The following TAX1BP1 variants were observed in gnomAD, a reference collection of about 807,000 sequenced individuals.
The protein encoded by TAX1BP1 is Tax1 binding protein 1.
Under a neutral mutation model 97.7 loss-of-function variants are expected in TAX1BP1, and 62 were observed. The ratio of observed to expected loss-of-function variants is 0.63; its 90% CI spans 0.52 to 0.78. The LOEUF (loss-of-function observed/expected upper bound fraction) is 0.78. Ranked by LOEUF, TAX1BP1 falls within the 30% of genes least tolerant of loss-of-function variation. The pLI is 0.00. For synonymous variants in TAX1BP1, 340 were observed against 304.2 expected (o/e 1.12, Z -1.23); for missense variants, 867 against 916.1 (o/e 0.95, Z 0.69).
At chr7:27,824,549 C>CAAAAA (rs34757943) in intron 15 of TAX1BP1, among the ~76,000 whole-genome samples, 5 of 91,588 alleles carry the variant, frequency 5.5e-5, no homozygotes, top group Admixed American at 1.4e-4. Flanking sequence ...GACCTTGTCT[C>CAAAAA]AAAAAAAAAA....
At chr7:27,807,318 T>C (rs1375649035) in intron 13 of TAX1BP1, among the ~76,000 whole-genome samples, 1 of 152,146 alleles carries the variant, frequency 6.6e-6, no homozygotes, top group Non-Finnish European at 1.5e-5. Context: ...ATATTGAAAT[T>C]GTATCCTTAG....
In TAX1BP1 at chr7:27,785,291, A is replaced by C; in HGVS notation, c.741A>C (p.Glu247Asp). The change falls in exon 6 of 17, where the codon GAA becomes GAC. Residue 247 changes from glutamate (E) to aspartate (D), a missense_variant. Glu to Asp is a conservative substitution (Grantham distance 45). This residue lies in a region of TAX1BP1 where 822 missense variants were observed against 851.4 expected (regional missense o/e 0.97). Coordinates refer to ENST00000396319, the MANE Select transcript of TAX1BP1 (RefSeq NM_006024.7). ...DIVSVTHKAI[E>D]KETELDSLKD... Reference sequence around the variant, plus strand: ...TGTCAGTAACACATAAAGCAATTGAAAAAGAAACCGAATTAGACAGGTATT... The same window carrying C: ...TGTCAGTAACACATAAAGCAATTGACAAAGAAACCGAATTAGACAGGTATT... 1 of 1,609,640 alleles carries C rather than the reference A, an allele frequency of 6.2e-7. No individual in the cohort carries two copies. The highest frequency in any genetic ancestry group is 8.5e-7 in the Non-Finnish European group (1 of 1,178,582).
At chr7:27,763,780 A>AG (rs1034236731) in intron 3 of TAX1BP1, among the ~76,000 whole-genome samples, 1 of 152,090 alleles carries the variant, frequency 6.6e-6, no homozygotes, top group African/African-American at 2.4e-5. Flanking sequence ...AAAAAAAAAA[A>AG]GAATCAGACC....
chr7:27,750,043 A>C (rs895679737), intron 2 of TAX1BP1, among the ~76,000 whole-genome samples: 6 of 152,288 alleles, frequency 3.9e-5, no homozygotes, highest in African/African-American at 1.4e-4. Context: ...CTCCTGTCCC[A>C]GCCTCCCAAA....
At position 27,763,539 on chromosome 7, in the gene TAX1BP1, G is replaced by T. The variant is rs980001473; in HGVS notation, c.266-2295G>T. On this transcript the variant is annotated intron_variant, in intron 3 of 16. Transcript: ENST00000396319. Reference sequence around the variant, plus strand: ...CCCAGCACTTTGGGAGGCCGGGGCGGGTGGATTACCTGAGGATAGGAATTC... The same window carrying T: ...CCCAGCACTTTGGGAGGCCGGGGCGTGTGGATTACCTGAGGATAGGAATTC... Among the ~76,000 whole-genome samples, 12 of 152,120 alleles carry T rather than the reference G, an allele frequency of 7.9e-5. 1 individual carries two copies. The highest frequency in any genetic ancestry group is 4.1e-4 in the South Asian group (2 of 4,826).
At chr7:27,797,656 TGA>T (rs1398316809) in intron 12 of TAX1BP1, among the ~76,000 whole-genome samples, 1 of 152,080 alleles carries the variant, frequency 6.6e-6, no homozygotes, top group Non-Finnish European at 1.5e-5. Flanking sequence ...TTTTTTTGCT[TGA>T]GAGAATCCTG....
At position 27,823,440 on chromosome 7, in the gene TAX1BP1, A is replaced by G. The variant is rs191249101; in HGVS notation, c.2086-4298A>G. On this transcript the variant is annotated intron_variant, in intron 15 of 16. Coordinates refer to ENST00000396319, the MANE Select transcript of TAX1BP1 (RefSeq NM_006024.7). ...CTTTTCTTCCTCAATATTAATTACT[A>G]ATTCCTGAATGATAACTAAATATTT... Among the ~76,000 whole-genome samples the G allele has an allele frequency of 2.6e-5, 4 of 152,322 alleles. No individual in the cohort carries two copies. The East Asian group carries it at 7.7e-4, about 29-fold the overall frequency.
chr7:27,769,557 G>T, intron 4 of TAX1BP1, 119 bp from the exon 5 acceptor site: 2 of 777,912 alleles, frequency 2.6e-6, no homozygotes, highest in South Asian at 1.9e-5. Flanking sequence ...TAGGTAGAAT[G>T]TAAGAGTTCT....
In TAX1BP1 at chr7:27,828,898, C is replaced by T; in HGVS notation, c.*69C>T. 1 of 1,280,448 alleles carries T rather than the reference C, an allele frequency of 7.8e-7. No homozygotes were observed. 79.3% of individuals were successfully genotyped at this position (1,280,448 alleles called of 1,614,324 possible). On this transcript the variant is annotated 3_prime_UTR_variant, in exon 17 of 17. Transcript: ENST00000396319. Reference sequence around the variant, plus strand: ...AAAAAAAAACCACACCTAAAATAGACCACTGAGGAGACCATAGAGCGGATG... The same window carrying T: ...AAAAAAAAACCACACCTAAAATAGATCACTGAGGAGACCATAGAGCGGATG...
chr7:27,783,866 A>G (rs1057053928), intron 5 of TAX1BP1, among the ~76,000 whole-genome samples: 1 of 152,204 alleles, frequency 6.6e-6, no homozygotes, highest in Non-Finnish European at 1.5e-5. Flanking sequence ...AGCAATCATT[A>G]TGATTGCAGA....
At chr7:27,789,857 A>G (rs1274545922) in intron 8 of TAX1BP1, among the ~76,000 whole-genome samples, 1 of 151,958 alleles carries the variant, frequency 6.6e-6, no homozygotes, top group Non-Finnish European at 1.5e-5. Context: ...CAAACATGAG[A>G]AGTGTATTTG....
At chr7:27,820,695 C>G (rs1471990210) in intron 15 of TAX1BP1, among the ~76,000 whole-genome samples, 2 of 152,064 alleles carry the variant, frequency 1.3e-5, no homozygotes, top group Non-Finnish European at 2.9e-5. Flanking sequence ...TGATTCATAG[C>G]CTGTGCAGAA....
chr7:27,798,058 A>G (rs190300682), intron 12 of TAX1BP1, among the ~76,000 whole-genome samples: 5 of 152,242 alleles, frequency 3.3e-5, no homozygotes, highest in African/African-American at 7.2e-5. Flanking sequence ...TTCTGTCACT[A>G]TCAATTAGCC....
At chr7:27,753,294 C>T (rs906659334) in intron 2 of TAX1BP1, among the ~76,000 whole-genome samples, 4 of 151,324 alleles carry the variant, frequency 2.6e-5, no homozygotes, top group South Asian at 2.1e-4. Context: ...AGCGAGACTC[C>T]GTCTCAAATA....
chr7:27,771,187 A>T, intron 5 of TAX1BP1, among the ~76,000 whole-genome samples: 1 of 112,644 alleles, frequency 8.9e-6, no homozygotes, highest in East Asian at 2.6e-4. Context: ...CTTTTTCTCC[A>T]TTCTTCACAT....
intron 8 of TAX1BP1, among the ~76,000 whole-genome samples, chr7:27,790,606 C>T (rs527629406): frequency 3.3e-5 from 5 of 151,924 alleles, no homozygotes; most frequent in African/African-American, 1.2e-4. Flanking sequence ...ATTTTAGGTT[C>T]TTAATGATTT....
chr7:27,744,924 C>T (rs1478226746), intron 1 of TAX1BP1, among the ~76,000 whole-genome samples: 1 of 152,178 alleles, frequency 6.6e-6, no homozygotes, highest in Non-Finnish European at 1.5e-5. Context: ...GCATAACACA[C>T]ATAAAGAAAT....
At position 27,816,929 on chromosome 7, in the gene TAX1BP1, G is replaced by A; in HGVS notation, c.1976G>A (p.Arg659Lys). ...GCTTTTTACCCAGATGAAATACAAA[G>A]GCCACCTGTCAGAGTCCCCTCTTGG... ...DGAFYPDEIQRPPVRVPSWGL... is the reference protein window; with the variant it reads ...DGAFYPDEIQKPPVRVPSWGL... Residue 659 changes from arginine (R) to lysine (K), a missense_variant, in exon 15 of 17, where the codon AGG becomes AAG. By Grantham distance (26) the Arg-to-Lys change is conservative. Transcript: ENST00000396319. 5 of 1,613,898 alleles carry A rather than the reference G, an allele frequency of 3.1e-6. No individual in the cohort carries two copies. The highest frequency in any genetic ancestry group is 1.3e-5 in the African/African-American group (1 of 74,972).
chr7:27,772,335 C>T (rs1235754449), intron 5 of TAX1BP1: 1 of 151,850 alleles, frequency 6.6e-6, no homozygotes, highest in African/African-American at 2.4e-5. Context: ...TATAGTAGTT[C>T]TAGAGGTCTT....
Sources: gnomAD v4.1 joint callset for allele counts (sites outside exome capture counted in the v4.1 genomes callset) on GRCh38, gnomAD v4.1.1 for gene constraint, gnomAD v4.1.1 regional missense constraint, MANE v1.5 for transcripts, NCBI Gene and HGNC (gene_info 2026-07-23, HGNC 2026-07-21) for gene names.